GNG12: variants seen among roughly 807,000 people sequenced by gnomAD.
GNG12 encodes G protein subunit gamma 12, also known as guanine nucleotide-binding protein G(I)/G(S)/G(O) subunit gamma-12.
For synonymous variants in GNG12, 28 were observed against 29.7 expected (o/e 0.94, Z 0.19); for missense variants, 69 against 83.8 (o/e 0.82, Z 0.69).
At chr1:67,718,871 C>A (rs934047725) in intron 2 of GNG12, among the ~76,000 whole-genome samples, 1 of 152,168 alleles carries the variant, frequency 6.6e-6, no homozygotes, top group Non-Finnish European at 1.5e-5. Flanking sequence ...AATAAAAATC[C>A]TAATAATAAA....
intron 2 of GNG12, among the ~76,000 whole-genome samples, chr1:67,717,720 C>T (rs895369289): frequency 6.6e-6 from 1 of 152,150 alleles, no homozygotes; most frequent in Non-Finnish European, 1.5e-5. Context: ...GCATCTCCTC[C>T]CTGGCATCAG....
intron 2 of GNG12, among the ~76,000 whole-genome samples, chr1:67,716,869 C>T (rs1354721583): frequency 1.3e-5 from 2 of 152,202 alleles, no homozygotes; most frequent in East Asian, 3.8e-4. Context: ...GCCCCAGATT[C>T]TACATAGGAA....
At chr1:67,790,772 C>T (rs113696614) in intron 1 of GNG12, among the ~76,000 whole-genome samples, 1,720 of 152,144 alleles carry the variant, frequency 0.011, 11 homozygotes, top group Non-Finnish European at 0.017. Context: ...GCCACCACCA[C>T]GTCTGGCTAA....
At chr1:67,776,409 C>T (rs933410627) in intron 2 of GNG12, among the ~76,000 whole-genome samples, 1 of 152,110 alleles carries the variant, frequency 6.6e-6, no homozygotes, top group African/African-American at 2.4e-5. Context: ...CCCTGTAGCT[C>T]CTCTGTCATA....
Position 67,806,696 on chromosome 1 carries a change from C to T in GNG12, c.-77+26648G>A, listed in dbSNP as rs922281048. Among the ~76,000 whole-genome samples the T allele has an allele frequency of 1.2e-4, 18 of 152,064 alleles. 1 individual carries two copies. Among genetic ancestry groups the T allele is most frequent in the Admixed American group, 9.8e-4 (15 of 15,258 alleles). ...TTACTAGGAATAAAGACAGGCATCA[C>T]ATAATGATAAAGGGGTCAATTCTCC... On this transcript the variant is annotated intron_variant, in intron 1 of 3. Transcript: ENST00000370982.
At chr1:67,793,914 A>G (rs1646815443) in intron 1 of GNG12, among the ~76,000 whole-genome samples, 1 of 152,204 alleles carries the variant, frequency 6.6e-6, no homozygotes, top group Non-Finnish European at 1.5e-5. Flanking sequence ...TTAGAGGCCC[A>G]CCACTTGACT....
chr1:67,769,844 T>A (rs1387118552), intron 2 of GNG12, among the ~76,000 whole-genome samples: 2 of 151,874 alleles, frequency 1.3e-5, no homozygotes, highest in African/African-American at 4.8e-5. Flanking sequence ...TCACTCTCAC[T>A]CTCTCTCTCT....
chr1:67,762,783 T>C (rs1646613193), intron 2 of GNG12, among the ~76,000 whole-genome samples: 1 of 152,214 alleles, frequency 6.6e-6, no homozygotes. Flanking sequence ...AGGTAAAAGT[T>C]AACATGCTGT....
In GNG12 at chr1:67,702,364, T is replaced by C. The variant is rs904578364; in HGVS notation, c.*3087A>G. 6.6e-6 allele frequency: 1 copy of C among 152,196 alleles called. No individual in the cohort carries two copies. 9.4% of individuals were successfully genotyped at this position (152,196 alleles called of 1,614,324 possible). A position where few individuals can be genotyped will look rare whatever the true frequency, so the allele number is the denominator to read the frequency against. On this transcript the variant is annotated 3_prime_UTR_variant, in exon 4 of 4. Transcript: ENST00000370982. ...CAGATAACACTATTTTAGTTATAAA[T>C]TGAGAAGGTGGCATTTGAAGAGAAT... is the stretch of plus-strand genomic sequence containing the variant.
intron 2 of GNG12, among the ~76,000 whole-genome samples, chr1:67,735,819 A>G (rs1646449351): frequency 6.6e-6 from 1 of 152,228 alleles, no homozygotes; most frequent in Non-Finnish European, 1.5e-5. Flanking sequence ...AGAGTACAAT[A>G]TTATTCTAAA....
At chr1:67,775,128 C>T (rs2100760239) in intron 2 of GNG12, among the ~76,000 whole-genome samples, 1 of 152,340 alleles carries the variant, frequency 6.6e-6, no homozygotes, top group East Asian at 1.9e-4. Flanking sequence ...TGGAGATCCA[C>T]AATCAATTAA....
chr1:67,797,587 T>C (rs1031581278), intron 1 of GNG12, among the ~76,000 whole-genome samples: 1 of 152,228 alleles, frequency 6.6e-6, no homozygotes, highest in African/African-American at 2.4e-5. Context: ...ACTAGCAGTG[T>C]GCAGCTTAGG....
intron 1 of GNG12, among the ~76,000 whole-genome samples, chr1:67,777,766 T>C (rs1197760769): frequency 2.6e-5 from 4 of 152,160 alleles, no homozygotes; most frequent in Non-Finnish European, 5.9e-5. Flanking sequence ...TAGTGTTTTT[T>C]CCAAACCTCT....
At chr1:67,709,988 T>TTA (rs1195437549) in intron 2 of GNG12, among the ~76,000 whole-genome samples, 2 of 24,528 alleles carry the variant, frequency 8.2e-5, no homozygotes, top group African/African-American at 1.6e-4. Flanking sequence ...ATATATATAG[T>TTA]TATATATATA....
At chr1:67,738,518 TG>T (rs1046185635) in intron 2 of GNG12, among the ~76,000 whole-genome samples, 3 of 152,178 alleles carry the variant, frequency 2.0e-5, no homozygotes, top group African/African-American at 7.2e-5. Flanking sequence ...AACCTCCCCC[TG>T]GAGCTCTGGT....
At chr1:67,762,097 C>A (rs1646608965) in intron 2 of GNG12, among the ~76,000 whole-genome samples, 2 of 152,172 alleles carry the variant, frequency 1.3e-5, no homozygotes, top group African/African-American at 2.4e-5. Context: ...GAATGCTCTG[C>A]TAGCTTTTCC....
At chr1:67,734,710 T>G (rs1646442147) in intron 2 of GNG12, among the ~76,000 whole-genome samples, 1 of 152,142 alleles carries the variant, frequency 6.6e-6, no homozygotes, top group Non-Finnish European at 1.5e-5. Context: ...TACTGCAGCC[T>G]TGAACTCCTG....
intron 2 of GNG12, among the ~76,000 whole-genome samples, chr1:67,731,748 T>C (rs1646421440): frequency 1.3e-5 from 2 of 152,240 alleles, no homozygotes; most frequent in Non-Finnish European, 1.5e-5. Context: ...TGATCAGATA[T>C]GTGCCTTAGT....
intron 2 of GNG12, among the ~76,000 whole-genome samples, chr1:67,722,409 T>C (rs1487364778): frequency 6.6e-6 from 1 of 152,030 alleles, no homozygotes; most frequent in Admixed American, 6.6e-5. Flanking sequence ...ACTGGGCTGG[T>C]GGTTAAAGGG....
Sources: gnomAD v4.1 joint callset for allele counts (sites outside exome capture counted in the v4.1 genomes callset) on GRCh38, gnomAD v4.1.1 for gene constraint, MANE v1.5 for transcripts, NCBI Gene and HGNC (gene_info 2026-07-23, HGNC 2026-07-21) for gene names.